Variants in BCCIP observed in about 807,000 individuals in gnomAD.
The protein encoded by BCCIP is BRCA2 and CDKN1A-interacting protein.
A neutral mutation model predicts 32.8 loss-of-function variants in BCCIP; 23 were observed. The ratio of observed to expected loss-of-function variants is 0.70; its 90% CI spans 0.51 to 0.99. The LOEUF (loss-of-function observed/expected upper bound fraction) is 0.99, where lower values mean the gene tolerates loss of function less well. Ranked by LOEUF, BCCIP falls within the 50% of genes least tolerant of loss-of-function variation. The pLI is 0.00. For missense variants in BCCIP, 378 were observed against 379.8 expected (o/e 1.00, Z 0.04); for synonymous variants, 144 against 137.6 (o/e 1.05, Z -0.33).
At chr10:125,836,030 C>G in intron 6 of BCCIP, 74 bp from the exon 7 acceptor site, 1 of 1,330,018 alleles carries the variant, frequency 7.5e-7, no homozygotes, top group Non-Finnish European at 1.1e-6. Context: ...ACGTAATATT[C>G]TTTGCCGTAG....
Position 125,823,650 on chromosome 10 carries a change from A to G in BCCIP, c.93A>G (p.Glu31=), listed in dbSNP as rs1854242360. The G allele has an allele frequency of 3.1e-6, 5 of 1,614,204 alleles. No homozygotes were observed. The East Asian group carries it at 1.1e-4, about 36-fold the overall frequency. Residue 31 remains glutamate, a synonymous_variant, in exon 1 of 7, where the codon GAA becomes GAG. Transcript: ENST00000278100. ...AGCGCGACGAGGAAGAGGAAAAAGA[A>G]GTCGAAAATGAGGATGAAGACGATG... ...PVQRDEEEEK[E]VENEDEDDDD...
chr10:125,839,130 T>G (rs1391732235), downstream of BCCIP: 6 of 1,614,116 alleles, frequency 3.7e-6, no homozygotes, highest in Non-Finnish European at 5.1e-6. Context: ...GAATAACATC[T>G]GCCATTCTGA....
At chr10:125,829,533 T>C (rs1454100680) in intron 3 of BCCIP, among the ~76,000 whole-genome samples, 3 of 152,248 alleles carry the variant, frequency 2.0e-5, no homozygotes, top group South Asian at 2.1e-4. Context: ...ATCTGACTTT[T>C]ACACCACTAA....
intron 2 of BCCIP, 41 bp from the exon 3 acceptor site, chr10:125,827,517 T>C (rs769345914): frequency 1.5e-6 from 2 of 1,299,620 alleles, no homozygotes; most frequent in Non-Finnish European, 2.2e-6. Context: ...TTAGAAATCA[T>C]GCTTTGATCT....
downstream of BCCIP, among the ~76,000 whole-genome samples, chr10:125,843,622 A>C (rs1854939858): frequency 6.6e-6 from 1 of 152,088 alleles, no homozygotes; most frequent in African/African-American, 2.4e-5. Context: ...AAAAAAAAAA[A>C]AACCTACTCA....
Position 125,833,810 on chromosome 10 carries a change from G to T in BCCIP, c.638G>T (p.Cys213Phe), listed in dbSNP as rs1433137705. The change falls in exon 6 of 7, where the codon TGT (cysteine) becomes TTT (phenylalanine). Residue 213 changes from cysteine to phenylalanine, a missense_variant. Transcript: ENST00000278100. ...GGGGCACACAGAACCAATAAGCCAT[G>T]TGGGAAGTGCTACTTTTACCTTCTG... ...LAGAHRTNKP[C>F]GKCYFYLLIS... is the part of the protein sequence containing the mutation. 6.2e-7 allele frequency: 1 copy of T among 1,614,242 alleles called. No individual in the cohort carries two copies. The highest frequency in any genetic ancestry group is 1.3e-5 in the African/African-American group (1 of 75,048).
downstream of BCCIP, among the ~76,000 whole-genome samples, chr10:125,843,387 G>T (rs1268222885): frequency 6.6e-6 from 1 of 152,072 alleles, no homozygotes; most frequent in Non-Finnish European, 1.5e-5. Context: ...GAGGCGGGAG[G>T]ATCACCAGGT....
In BCCIP at chr10:125,831,453, G is replaced by T. The variant is rs1163004861; in HGVS notation, c.445G>T (p.Val149Phe). ...TQCVEQIQEL[V>F]LRFCEKNCEK... ...GTGTGTTGAACAAATTCAAGAGTTGGTTCTACGCTTCTGTGAGAAGAACTG... is the reference window on the plus strand; with the variant it reads ...GTGTGTTGAACAAATTCAAGAGTTGTTTCTACGCTTCTGTGAGAAGAACTG... The change falls in exon 5 of 7, where the codon GTT becomes TTT. Residue 149 changes from valine to phenylalanine, a missense_variant. Val to Phe is a conservative substitution (Grantham distance 50, BLOSUM62 -1). Transcript: ENST00000278100. The T allele has an allele frequency of 6.2e-7, 1 of 1,614,130 alleles. No homozygotes were observed. Among genetic ancestry groups the T allele is most frequent in the East Asian group, 2.2e-5 (1 of 44,878 alleles).
At chr10:125,835,686 A>G (rs1854661366) in intron 6 of BCCIP, among the ~76,000 whole-genome samples, 1 of 152,218 alleles carries the variant, frequency 6.6e-6, no homozygotes, top group Non-Finnish European at 1.5e-5. Context: ...CGGGGTATGC[A>G]GATTTACTCT....
At chr10:125,826,523 T>TC (rs1248293926) in intron 1 of BCCIP, 68 bp from the exon 2 acceptor site, 31 of 1,595,044 alleles carry the variant, frequency 1.9e-5, no homozygotes, top group Non-Finnish European at 2.6e-5. Flanking sequence ...CTTGGCAATG[T>TC]TTGCCTGTTT....
At chr10:125,834,995 T>C (rs532936975) in intron 6 of BCCIP, among the ~76,000 whole-genome samples, 1 of 150,808 alleles carries the variant, frequency 6.6e-6, no homozygotes, top group Non-Finnish European at 1.5e-5. Flanking sequence ...TAGCCGGGCG[T>C]GGTGGCACGT....
rs1854618393 is a variant in BCCIP at position 125,834,860 on chromosome 10, CG to C, written c.774+916del. ...ACACAAAAACATCTTGAGCCAGGCA[CG>C]GTGGCTCACGCCTGTAATCCCAGCA... is the stretch of plus-strand genomic sequence containing the variant. On this transcript the variant is annotated intron_variant, in intron 6 of 6. Coordinates refer to ENST00000278100, the MANE Select transcript of BCCIP (RefSeq NM_078468.3). Among the ~76,000 whole-genome samples the C allele has an allele frequency of 2.0e-5, 3 of 150,664 alleles. No individual in the cohort carries two copies. The South Asian group carries it at 6.3e-4, about 32-fold the overall frequency.
chr10:125,837,018 T>A (rs1208598274), downstream of BCCIP, among the ~76,000 whole-genome samples: 1 of 152,230 alleles, frequency 6.6e-6, no homozygotes, highest in Non-Finnish European at 1.5e-5. Context: ...AAATAAATAC[T>A]TTCTGTTTTT....
At chr10:125,843,966 C>G (rs1346806939), downstream of BCCIP, among the ~76,000 whole-genome samples, 1 of 152,160 alleles carries the variant, frequency 6.6e-6, no homozygotes, top group African/African-American at 2.4e-5. Flanking sequence ...TGAATGTTTT[C>G]CCATCAAGAT....
chr10:125,847,119 T>A (rs1048304086), downstream of BCCIP, among the ~76,000 whole-genome samples: 1 of 152,122 alleles, frequency 6.6e-6, no homozygotes, highest in African/African-American at 2.4e-5. Flanking sequence ...ATTTGCATAA[T>A]GCCAGCTAAC....
chr10:125,841,899 C>A (rs1052814050), exon 7 of BCCIP: 10 of 1,606,586 alleles, frequency 6.2e-6, no homozygotes, highest in Admixed American at 3.4e-5. Context: ...GCCAGATAAT[C>A]TAAGTCTTCC....
intron 7 of BCCIP, among the ~76,000 whole-genome samples, chr10:125,850,155 T>C (rs1033204674): frequency 6.7e-6 from 1 of 149,244 alleles, no homozygotes; most frequent in African/African-American, 2.5e-5. Flanking sequence ...AAAAAAAAAA[T>C]TTGTAGAGAT....
At chr10:125,848,390 C>A (rs1277057382) in intron 7 of BCCIP, among the ~76,000 whole-genome samples, 1 of 152,194 alleles carries the variant, frequency 6.6e-6, no homozygotes, top group Non-Finnish European at 1.5e-5. Context: ...CTCTAAATAA[C>A]CCCAGGATAC....
rs755176101 is a variant in BCCIP at position 125,836,224 on chromosome 10, G to A, written c.895G>A (p.Asp299Asn). Residue 299 changes from aspartate (D) to asparagine (N), a missense_variant, in exon 7 of 7, where the codon GAC (aspartate) becomes AAC (asparagine). Coordinates refer to ENST00000278100, the MANE Select transcript of BCCIP (RefSeq NM_078468.3). ...GCGAACTGTGATGTTAATTCCAGGC[G>A]ACAAGATGAACGAAATCATGGATAA... Reference protein sequence around the residue: ...PLRTVMLIPGDKMNEIMDKLK... With the variant: ...PLRTVMLIPGNKMNEIMDKLK... 9.9e-6 allele frequency: 16 copies of A among 1,614,022 alleles called. No individual in the cohort carries two copies. The East Asian group carries it at 1.1e-4, about 11-fold the overall frequency.
Sources: gnomAD v4.1 joint callset for allele counts (sites outside exome capture counted in the v4.1 genomes callset) on GRCh38, gnomAD v4.1.1 for gene constraint, MANE v1.5 for transcripts, NCBI Gene and HGNC (gene_info 2026-07-23, HGNC 2026-07-21) for gene names.